ESYT2: variants seen among roughly 807,000 people sequenced by gnomAD.
The protein encoded by ESYT2 is extended synaptotagmin-2.
Under a neutral mutation model 107.2 loss-of-function variants are expected in ESYT2, and 54 were observed. That is an observed-to-expected ratio of 0.50 (90% confidence interval 0.40 to 0.63). ESYT2 has a LOEUF of 0.63. Among genes scored for constraint, ESYT2 ranks in the 30% least tolerant of loss-of-function variants. The pLI is 0.00. For synonymous variants in ESYT2, 491 were observed against 434.1 expected, an observed-to-expected ratio of 1.13 and a Z score of -1.63; for missense variants, 1,020 against 1,094.5, an observed-to-expected ratio of 0.93 and a Z score of 0.96.
chr7:158,827,542 C>A (rs1840492354), intron 1 of ESYT2: 1 of 152,210 alleles, frequency 6.6e-6, no homozygotes. Flanking sequence ...ATGCCAGTTA[C>A]CTTGGTTCTC....
At chr7:158,743,717 T>C (rs71547564) in intron 16 of ESYT2, 39 bp from the exon 17 acceptor site, 270,967 of 1,545,456 alleles carry the variant, frequency 0.18, 30,807 homozygotes, top group East Asian at 0.55. Context: ...ATAACTAGGA[T>C]CATGTCTGCA....
intron 15 of ESYT2, among the ~76,000 whole-genome samples, chr7:158,749,135 C>A (rs1341747129): frequency 1.3e-5 from 2 of 152,038 alleles, no homozygotes; most frequent in Middle Eastern, 3.2e-3. Context: ...GAGACAGAGT[C>A]TTGCTCTGTC....
At chr7:158,818,459 G>A (rs762319489) in intron 1 of ESYT2, among the ~76,000 whole-genome samples, 15 of 152,086 alleles carry the variant, frequency 9.9e-5, no homozygotes, top group African/African-American at 3.1e-4. Flanking sequence ...TAGCAACAGC[G>A]TAAACAAACC....
intron 6 of ESYT2, among the ~76,000 whole-genome samples, chr7:158,781,969 G>A (rs1416429655): frequency 2.1e-5 from 1 of 48,342 alleles, no homozygotes; most frequent in African/African-American, 7.1e-5. Context: ...ACGAGTGTGA[G>A]AACAAAGTGT....
intron 4 of ESYT2, among the ~76,000 whole-genome samples, chr7:158,792,913 C>T (rs1200668143): frequency 2.0e-5 from 3 of 151,668 alleles, no homozygotes; most frequent in African/African-American, 4.8e-5. Context: ...GGACTACAGG[C>T]GCCCACCACC....
Position 158,799,045 on chromosome 7 carries a change from C to T in ESYT2, c.358G>A (p.Glu120Lys). The change falls in exon 2 of 23, where the codon GAA (glutamate) becomes AAA (lysine). Residue 120 changes from glutamate (E) to lysine (K), a missense_variant. Transcript: ENST00000275418. ...WVHFPDTERA[E>K]WLNKTVKHMW... Reference sequence around the variant, plus strand: ...TCTAATCTTACCTTATTTAGCCATTCTGCTCTTTCAGTGTCTGGAAAATGA... The same window carrying T: ...TCTAATCTTACCTTATTTAGCCATTTTGCTCTTTCAGTGTCTGGAAAATGA... 6.2e-7 allele frequency: 1 copy of T among 1,613,686 alleles called. No individual in the cohort carries two copies. Among genetic ancestry groups the T allele is most frequent in the Non-Finnish European group, 8.5e-7 (1 of 1,179,658 alleles).
chr7:158,735,511 G>C lies in ESYT2; in HGVS notation c.2497C>G (p.Leu833Val). 4 of 1,613,962 alleles carry C rather than the reference G, an allele frequency of 2.5e-6. No individual in the cohort carries two copies. The highest frequency in any genetic ancestry group is 3.4e-6 in the Non-Finnish European group (4 of 1,179,834). Residue 833 changes from leucine (L) to valine (V), a missense_variant, in exon 21 of 23, where the codon CTT (leucine) becomes GTT (valine). Physicochemically the swap from Leu to Val is conservative, Grantham distance 32. Transcript: ENST00000275418. ...ATTCGTTTGGCACTTACTTTGCCAA[G>C]GAGCCCTTTGTCTTTGGACAGGAAG... ...GGFLSKDKGL[L>V]GKVLVALASE...
Position 158,809,474 on chromosome 7 carries a change from C to CAAA in ESYT2, c.331-10405_331-10403dup, listed in dbSNP as rs67422901. 7.9e-3 allele frequency among the ~76,000 whole-genome samples: 382 copies of CAAA among 48,596 alleles called. 8 individuals are homozygous for CAAA. Among genetic ancestry groups the CAAA allele is most frequent in the African/African-American group, 0.013 (136 of 10,826 alleles). The allele number at this position is 48,596 out of a possible 152,430, so 31.9% of individuals were successfully genotyped here. ...CTGGCTACAGAGTAAGAATCCATCT[C>CAAA]AAAAAAAAAAAAAAAAAAAAAAACC... On this transcript the variant is annotated intron_variant, in intron 1 of 22. Transcript: ENST00000275418.
chr7:158,760,190 A>C (rs752808661), intron 11 of ESYT2, 43 bp from the exon 12 acceptor site: 1 of 1,572,516 alleles, frequency 6.4e-7, no homozygotes, highest in Non-Finnish European at 8.8e-7. Flanking sequence ...GTTCTTCTGA[A>C]TCAAAAATCC....
chr7:158,759,989 G>T, intron 12 of ESYT2, 69 bp downstream of exon 12: 1 of 1,434,284 alleles, frequency 7.0e-7, no homozygotes, highest in South Asian at 1.2e-5. Flanking sequence ...CAACACAACT[G>T]AGAGACCAAG....
intron 1 of ESYT2, among the ~76,000 whole-genome samples, chr7:158,811,643 G>A (rs1196293431): frequency 6.6e-6 from 1 of 152,170 alleles, no homozygotes; most frequent in Non-Finnish European, 1.5e-5. Context: ...CAGGATTCAG[G>A]GGAGGCGGAG....
chr7:158,754,250 A>G (rs1837678917), intron 13 of ESYT2, among the ~76,000 whole-genome samples: 1 of 152,144 alleles, frequency 6.6e-6, no homozygotes, highest in African/African-American at 2.4e-5. Flanking sequence ...CTCTGTCACC[A>G]GGCTGCAGTG....
At chr7:158,815,974 G>A (rs186211556) in intron 1 of ESYT2, among the ~76,000 whole-genome samples, 236 of 152,288 alleles carry the variant, frequency 1.5e-3, no homozygotes, top group Non-Finnish European at 2.7e-3. Context: ...GGGAAGCTGA[G>A]TAACAGCCCT....
At chr7:158,825,680 A>C (rs1041755232) in intron 1 of ESYT2, among the ~76,000 whole-genome samples, 3 of 152,246 alleles carry the variant, frequency 2.0e-5, no homozygotes, top group African/African-American at 7.2e-5. Flanking sequence ...GCTGTCAGTG[A>C]ATATATACAA....
rs79627102 is a variant in ESYT2, at chr7:158,746,807, A to G, written c.1644+1387T>C. On this transcript the variant is annotated intron_variant, in intron 16 of 22. Coordinates refer to ENST00000275418, the MANE Select transcript of ESYT2 (RefSeq NM_001367773.1). ...CAGCACTTGGGGAAGCAGAAGTGGGAACATCGCTGCTCGAGCCCAGGAGTC... is the reference window on the plus strand; with the variant it reads ...CAGCACTTGGGGAAGCAGAAGTGGGGACATCGCTGCTCGAGCCCAGGAGTC... Among the ~76,000 whole-genome samples the G allele has an allele frequency of 4.9e-3, 745 of 152,314 alleles. 46 individuals carry two copies. The East Asian group carries it at 0.12, about 24-fold the overall frequency.
chr7:158,752,343 G>T (rs1189191), intron 14 of ESYT2, among the ~76,000 whole-genome samples: 143,326 of 152,266 alleles, frequency 0.94, 67,506 homozygotes, highest in Middle Eastern at 0.96. Flanking sequence ...AGCCATGAAG[G>T]TGTTGACTCA....
chr7:158,823,403 T>C (rs1840344799), intron 1 of ESYT2, among the ~76,000 whole-genome samples: 1 of 143,442 alleles, frequency 7.0e-6, no homozygotes, highest in Non-Finnish European at 1.5e-5. Flanking sequence ...CTCGGCTCAC[T>C]GCAAGCTCCG....
intron 7 of ESYT2, 105 bp downstream of exon 7, chr7:158,773,236 C>A: frequency 8.0e-7 from 1 of 1,249,944 alleles, no homozygotes; most frequent in Non-Finnish European, 1.2e-6. Context: ...CACCCATTCA[C>A]CTGGCAGACG....
chr7:158,817,332 A>G (rs1840173414), intron 1 of ESYT2, among the ~76,000 whole-genome samples: 2 of 152,220 alleles, frequency 1.3e-5, no homozygotes. Flanking sequence ...TCTGTACAAT[A>G]AAACCTTGGT....
Sources: allele counts gnomAD v4.1 joint callset (sites outside exome capture counted in the v4.1 genomes callset), GRCh38; gene constraint gnomAD v4.1.1; transcripts MANE v1.5; gene names NCBI Gene and HGNC (gene_info 2026-07-23, HGNC 2026-07-21).